CREB5: variants seen among roughly 807,000 people sequenced by gnomAD.
CREB5 encodes cAMP responsive element binding protein 5.
In CREB5, 19 loss-of-function variants were observed where a neutral mutation model predicts 57.1. The observed-to-expected ratio is 0.33, with a 90% CI of 0.23 to 0.49. CREB5 has a LOEUF of 0.49. Among genes scored for constraint, CREB5 ranks in the 20% least tolerant of loss-of-function variants. The pLI, the probability that CREB5 is intolerant of heterozygous loss-of-function variation, is 0.99. For missense variants in CREB5, 579 were observed against 671.6 expected (o/e 0.86, Z 1.52); for synonymous variants, 238 against 238.3 (o/e 1.00, Z 0.01).
intron 5 of CREB5, among the ~76,000 whole-genome samples, chr7:28,620,262 G>A (rs1220338906): frequency 6.6e-6 from 1 of 152,120 alleles, no homozygotes; most frequent in Non-Finnish European, 1.5e-5. Context: ...AAGAGGCAGG[G>A]TCTCACTATG....
chr7:28,484,229 ATC>A lies in CREB5; in HGVS notation c.4-3944_4-3943del, dbSNP rs1791465792. 2.0e-5 allele frequency among the ~76,000 whole-genome samples: 3 copies of A among 152,198 alleles called. No homozygotes were observed. The South Asian group carries it at 6.2e-4, about 32-fold the overall frequency. On this transcript the variant is annotated intron_variant, in intron 1 of 10. Transcript: ENST00000357727. ...CCCCCACCTGATGAATGGTTAAAGA[ATC>A]TATGCAGGGCTTTATTTAATAAGAG...
chr7:28,668,597 AG>A (rs1339029209), intron 5 of CREB5, among the ~76,000 whole-genome samples: 4 of 152,244 alleles, frequency 2.6e-5, no homozygotes, highest in Admixed American at 6.5e-5. Flanking sequence ...GGGAGAAGGA[AG>A]TATGTACAAA....
chr7:28,575,543 C>T (rs1795874044), intron 5 of CREB5, among the ~76,000 whole-genome samples: 2 of 152,238 alleles, frequency 1.3e-5, no homozygotes, highest in Non-Finnish European at 2.9e-5. Context: ...CTACCACAGG[C>T]TAATGCTGGG....
At chr7:28,486,552 T>G (rs1791552251) in intron 1 of CREB5, among the ~76,000 whole-genome samples, 1 of 151,058 alleles carries the variant, frequency 6.6e-6, no homozygotes, top group African/African-American at 2.4e-5. Flanking sequence ...CCATATACTG[T>G]TAGCAGCAAC....
intron 1 of CREB5, among the ~76,000 whole-genome samples, chr7:28,368,420 T>C (rs530842556): frequency 6.6e-6 from 1 of 152,270 alleles, no homozygotes; most frequent in East Asian, 1.9e-4. Context: ...AAGAAAAATA[T>C]TCTGATTTTA....
At chr7:28,502,570 C>T (rs1042571745) in intron 3 of CREB5, among the ~76,000 whole-genome samples, 3 of 152,178 alleles carry the variant, frequency 2.0e-5, no homozygotes, top group Admixed American at 6.6e-5. Flanking sequence ...AATGCATTGC[C>T]TTTAAAGAAT....
chr7:28,773,857 G>A (rs1305359641), intron 7 of CREB5, among the ~76,000 whole-genome samples: 1 of 152,196 alleles, frequency 6.6e-6, no homozygotes, highest in African/African-American at 2.4e-5. Context: ...TGGCCAGTAA[G>A]AGCCTTAGTC....
intron 1 of CREB5, among the ~76,000 whole-genome samples, chr7:28,471,384 C>G (rs1401008434): frequency 6.6e-6 from 1 of 152,040 alleles, no homozygotes; most frequent in Non-Finnish European, 1.5e-5. Flanking sequence ...GTTCACTGTA[C>G]ATGTGTGGAT....
chr7:28,714,363 T>A (rs1802560603), intron 5 of CREB5, among the ~76,000 whole-genome samples: 1 of 152,228 alleles, frequency 6.6e-6, no homozygotes, highest in Non-Finnish European at 1.5e-5. Flanking sequence ...CTCTTTCCTT[T>A]GCCTGGTCAC....
At chr7:28,534,286 T>C (rs1193944147) in intron 4 of CREB5, among the ~76,000 whole-genome samples, 1 of 152,088 alleles carries the variant, frequency 6.6e-6, no homozygotes, top group Non-Finnish European at 1.5e-5. Context: ...CTTTATTGAG[T>C]AGGATGAGGA....
intron 1 of CREB5, among the ~76,000 whole-genome samples, chr7:28,473,831 C>T (rs1562741353): frequency 6.6e-6 from 1 of 152,222 alleles, no homozygotes; most frequent in Non-Finnish European, 1.5e-5. Flanking sequence ...GTCTCATTGT[C>T]ACCTTTGGGT....
At chr7:28,462,383 T>C (rs563606891) in intron 1 of CREB5, among the ~76,000 whole-genome samples, 12 of 152,218 alleles carry the variant, frequency 7.9e-5, no homozygotes, top group Non-Finnish European at 1.6e-4. Flanking sequence ...CATCGATGTA[T>C]GAGTTTACAA....
At chr7:28,541,528 G>C (rs370161282) in intron 4 of CREB5, among the ~76,000 whole-genome samples, 2 of 152,086 alleles carry the variant, frequency 1.3e-5, no homozygotes, top group African/African-American at 2.4e-5. Context: ...TTAGCTGGGC[G>C]TGGTGGCCGA....
At chr7:28,465,108 T>C (rs1425978672) in intron 1 of CREB5, among the ~76,000 whole-genome samples, 1 of 152,158 alleles carries the variant, frequency 6.6e-6, no homozygotes, top group Non-Finnish European at 1.5e-5. Context: ...GTCCAGAGGA[T>C]AGGATGCTAA....
intron 5 of CREB5, among the ~76,000 whole-genome samples, chr7:28,638,504 A>G (rs2128698341): frequency 6.6e-6 from 1 of 151,682 alleles, no homozygotes; most frequent in South Asian, 2.1e-4. Context: ...CTACCACCAC[A>G]CCTGGCTTAT....
chr7:28,730,638 G>A (rs1340828103), intron 7 of CREB5, among the ~76,000 whole-genome samples: 3 of 152,098 alleles, frequency 2.0e-5, no homozygotes, highest in Non-Finnish European at 4.4e-5. Flanking sequence ...CCAGCAGTAG[G>A]GATTGTTATC....
chr7:28,523,345 T>C (rs1793292252), intron 4 of CREB5, among the ~76,000 whole-genome samples: 1 of 152,210 alleles, frequency 6.6e-6, no homozygotes, highest in South Asian at 2.1e-4. Flanking sequence ...CCACTGGGAA[T>C]ACTCCCATTA....
At chr7:28,424,080 T>C (rs988063504) in intron 1 of CREB5, among the ~76,000 whole-genome samples, 1 of 152,208 alleles carries the variant, frequency 6.6e-6, no homozygotes, top group Non-Finnish European at 1.5e-5. Flanking sequence ...CCTTCTTCTG[T>C]CTTCTCTGTG....
rs150731864 is a variant in CREB5 at position 28,413,652 on chromosome 7, A to G, written c.3+735A>G. Among the ~76,000 whole-genome samples, 775 of 152,292 alleles carry G rather than the reference A, an allele frequency of 5.1e-3. 5 individuals are homozygous for G. The highest frequency in any genetic ancestry group is 0.018 in the African/African-American group (744 of 41,564). ...TCAATTAGCGGTCAGTCGTGACCTTATATAGTTGATACCTGAGAAGATAGT... is the reference window on the plus strand; with the variant it reads ...TCAATTAGCGGTCAGTCGTGACCTTGTATAGTTGATACCTGAGAAGATAGT... On this transcript the variant is annotated intron_variant, in intron 1 of 10. Coordinates refer to ENST00000357727, the MANE Select transcript of CREB5 (RefSeq NM_182898.4).
Sources: gnomAD v4.1 joint callset for allele counts (sites outside exome capture counted in the v4.1 genomes callset) on GRCh38, gnomAD v4.1.1 for gene constraint, MANE v1.5 for transcripts, NCBI Gene and HGNC (gene_info 2026-07-23, HGNC 2026-07-21) for gene names.